The following CSMD1 variants were observed in gnomAD, a reference collection of about 807,000 sequenced individuals.
The protein encoded by CSMD1 is CUB and sushi domain-containing protein 1.
In CSMD1, 213 loss-of-function variants were observed where a neutral mutation model predicts 417.5. The ratio of observed to expected loss-of-function variants is 0.51; its 90% CI spans 0.46 to 0.57. The LOEUF (loss-of-function observed/expected upper bound fraction) is 0.57. CSMD1 is among the 20% of genes least tolerant of loss of function. The pLI is 0.00. For synonymous variants in CSMD1, 2,862 were observed against 1,736.8 expected (o/e 1.65, Z -16.11); for missense variants, 6,923 against 4,529.7 (o/e 1.53, Z -15.17).
intron 6 of CSMD1, among the ~76,000 whole-genome samples, chr8:3,711,353 G>C (rs1021852785): frequency 6.6e-6 from 1 of 152,160 alleles, no homozygotes. Flanking sequence ...CCCCCTCCAA[G>C]GAAGGGCTGG....
At chr8:4,161,720 T>C (rs767029917) in intron 3 of CSMD1, among the ~76,000 whole-genome samples, 8 of 152,184 alleles carry the variant, frequency 5.3e-5, no homozygotes, top group Admixed American at 1.3e-4. Context: ...AAGAAAACCA[T>C]TGCTGCCATC....
At chr8:3,492,832 T>C (rs543418021) in intron 11 of CSMD1, among the ~76,000 whole-genome samples, 2 of 151,578 alleles carry the variant, frequency 1.3e-5, no homozygotes, top group Non-Finnish European at 2.9e-5. Flanking sequence ...CCCCCAACAC[T>C]TTTCCCCCCC....
At chr8:3,534,266 AATCT>A (rs547189970) in intron 10 of CSMD1, among the ~76,000 whole-genome samples, 3 of 152,236 alleles carry the variant, frequency 2.0e-5, no homozygotes, top group African/African-American at 7.2e-5. Context: ...CTCACTTATT[AATCT>A]TTCTTTTGAA....
chr8:3,620,967 T>A (rs1191462804), intron 7 of CSMD1, among the ~76,000 whole-genome samples: 3 of 152,158 alleles, frequency 2.0e-5, no homozygotes, highest in African/African-American at 7.2e-5. Flanking sequence ...AAAGAGGTAA[T>A]TAACTTAAAG....
chr8:3,615,190 T>G (rs1451630326), intron 8 of CSMD1, among the ~76,000 whole-genome samples: 1 of 152,128 alleles, frequency 6.6e-6, no homozygotes, highest in East Asian at 1.9e-4. Flanking sequence ...CAACTCTTCC[T>G]CTGGAGAACT....
chr8:4,877,791 T>C (rs756623730), intron 1 of CSMD1, among the ~76,000 whole-genome samples: 1 of 152,114 alleles, frequency 6.6e-6, no homozygotes, highest in African/African-American at 2.4e-5. Flanking sequence ...TCCTAGAGAT[T>C]TGGTGACTCA....
chr8:3,490,138 T>G (rs1247354560), intron 11 of CSMD1, among the ~76,000 whole-genome samples: 2 of 152,236 alleles, frequency 1.3e-5, no homozygotes, highest in East Asian at 3.8e-4. Context: ...TTCTGTGATC[T>G]GGTACACTAA....
intron 49 of CSMD1, among the ~76,000 whole-genome samples, chr8:3,072,023 A>G (rs918430958): frequency 5.9e-5 from 9 of 152,332 alleles, no homozygotes; most frequent in African/African-American, 2.2e-4. Flanking sequence ...AGCATGGTAA[A>G]TGATTTTCTG....
intron 3 of CSMD1, among the ~76,000 whole-genome samples, chr8:4,249,837 G>C (rs895458618): frequency 1.3e-5 from 2 of 152,110 alleles, no homozygotes; most frequent in African/African-American, 4.8e-5. Flanking sequence ...GCTGTGGTTT[G>C]AATGTGTCCC....
chr8:3,804,992 G>C (rs1309929140), intron 5 of CSMD1, among the ~76,000 whole-genome samples: 1 of 152,132 alleles, frequency 6.6e-6, no homozygotes, highest in Admixed American at 6.6e-5. Context: ...CACTTTCACA[G>C]TTCACTTCTT....
At chr8:4,215,633 G>T (rs1310382935) in intron 3 of CSMD1, among the ~76,000 whole-genome samples, 2 of 151,992 alleles carry the variant, frequency 1.3e-5, no homozygotes, top group East Asian at 3.9e-4. Flanking sequence ...CATAAATTTG[G>T]ATCATACAAG....
intron 3 of CSMD1, among the ~76,000 whole-genome samples, chr8:4,295,674 GTTATA>G (rs1229120312): frequency 1.4e-5 from 2 of 138,706 alleles, no homozygotes; most frequent in African/African-American, 5.3e-5. Context: ...GATTACATAT[GTTATA>G]TTATACATGT....
intron 7 of CSMD1, among the ~76,000 whole-genome samples, chr8:3,618,171 A>T (rs1202347666): frequency 1.3e-5 from 2 of 150,338 alleles, no homozygotes; most frequent in African/African-American, 4.9e-5. Context: ...CCAGATAATT[A>T]AAAAAAAAAT....
intron 3 of CSMD1, among the ~76,000 whole-genome samples, chr8:4,184,968 T>C (rs1458838608): frequency 6.6e-6 from 1 of 151,444 alleles, no homozygotes; most frequent in African/African-American, 2.4e-5. Flanking sequence ...TGAAACCCCA[T>C]CTCTATTAAA....
chr8:4,302,391 G>C (rs570091336), intron 3 of CSMD1, among the ~76,000 whole-genome samples: 1 of 152,266 alleles, frequency 6.6e-6, no homozygotes, highest in South Asian at 2.1e-4. Flanking sequence ...TCAGGCACTA[G>C]TTGAAAACCT....
intron 5 of CSMD1, among the ~76,000 whole-genome samples, chr8:3,850,080 G>GCAAAGAGTATC (rs1803792555): frequency 6.6e-6 from 1 of 152,216 alleles, no homozygotes; most frequent in Non-Finnish European, 1.5e-5. Flanking sequence ...ACAGGCATGA[G>GCAAAGAGTATC]CCACTGCACC....
intron 3 of CSMD1, among the ~76,000 whole-genome samples, chr8:4,409,731 C>G (rs576643810): frequency 2.6e-4 from 39 of 149,318 alleles, no homozygotes; most frequent in Admixed American, 4.0e-4. Flanking sequence ...CCCAAGATGG[C>G]AAAGGAACAT....
chr8:4,518,265 C>G (rs962712556), intron 2 of CSMD1, among the ~76,000 whole-genome samples: 1 of 152,120 alleles, frequency 6.6e-6, no homozygotes, highest in African/African-American at 2.4e-5. Flanking sequence ...CACAAAACAG[C>G]AGCATCCGAC....
At chr8:3,684,928 G>T (rs1186694842) in intron 7 of CSMD1, among the ~76,000 whole-genome samples, 2 of 152,052 alleles carry the variant, frequency 1.3e-5, no homozygotes, top group African/African-American at 4.8e-5. Flanking sequence ...GGAAGCACTT[G>T]GCCAAAGTGG....
Sources: allele counts gnomAD v4.1 joint callset (sites outside exome capture counted in the v4.1 genomes callset), GRCh38; gene constraint gnomAD v4.1.1; transcripts MANE v1.5; gene names NCBI Gene and HGNC (gene_info 2026-07-23, HGNC 2026-07-21).